The following VIL1 variants were observed in gnomAD, a reference collection of about 807,000 sequenced individuals.
The protein encoded by VIL1 is villin-1.
VIL1 carries 86 observed loss-of-function variants against 104.0 expected under a neutral mutation model. The ratio of observed to expected loss-of-function variants is 0.83; its 90% confidence interval spans 0.69 to 0.99. The LOEUF is 0.99. Ranked by LOEUF, VIL1 falls within the 50% of genes least tolerant of loss-of-function variation. The pLI is 0.00. For synonymous variants in VIL1, 394 were observed against 412.6 expected, an observed-to-expected ratio of 0.95 and a Z score of 0.55; for missense variants, 944 against 1,054.1, an observed-to-expected ratio of 0.90 and a Z score of 1.45.
In VIL1 at chr2:218,435,397, G is replaced by T; in HGVS notation, c.1789G>T (p.Ala597Ser). Residue 597 changes from alanine to serine, a missense_variant, in exon 15 of 20, where the codon GCC (alanine) becomes TCC (serine). By Grantham distance (99) the Ala-to-Ser change is moderately conservative (BLOSUM62 1). Transcript: ENST00000248444. ...GCAGGAGCCAGCCAACTTCTGGATG[G>T]CCCTGGGTGGGAAGGCCCCCTATGC... ...EGQEPANFWM[A>S]LGGKAPYANT... The T allele has an allele frequency of 1.9e-6, 3 of 1,614,130 alleles. No homozygotes were observed. The highest frequency in any genetic ancestry group is 2.5e-6 in the Non-Finnish European group (3 of 1,179,980).
At chr2:218,441,519 G>C (rs1689284564) in intron 19 of VIL1, among the ~76,000 whole-genome samples, 1 of 152,170 alleles carries the variant, frequency 6.6e-6, no homozygotes, top group Admixed American at 6.5e-5. Context: ...AAGCCCAAAG[G>C]CAAGGAATAA....
chr2:218,432,820 A>G lies in VIL1; in HGVS notation c.1369A>G (p.Thr457Ala). The G allele has an allele frequency of 6.2e-7, 1 of 1,614,218 alleles. No individual in the cohort carries two copies. Among genetic ancestry groups the G allele is most frequent in the Non-Finnish European group, 8.5e-7 (1 of 1,180,038 alleles). The change falls in exon 13 of 20, where the codon ACA becomes GCA. Residue 457 changes from threonine (T) to alanine (A), a missense_variant. By Grantham distance (58) the Thr-to-Ala change is moderately conservative (BLOSUM62 0). Coordinates refer to ENST00000248444, the MANE Select transcript of VIL1 (RefSeq NM_007127.3). ...CAGCCAGGCCAGCCAAGATGAAATT[A>G]CAGCATCAGCTTATCAAGCCGTCAT... ...QGSQASQDEITASAYQAVILD... is the reference protein window; with the variant it reads ...QGSQASQDEIAASAYQAVILD...
intron 1 of VIL1, among the ~76,000 whole-genome samples, chr2:218,420,295 C>G (rs1049509175): frequency 2.4e-4 from 37 of 151,540 alleles, no homozygotes; most frequent in Admixed American, 5.3e-4. Context: ...TGGGTGTGCT[C>G]GCGCACGCCT....
intron 18 of VIL1, among the ~76,000 whole-genome samples, 200 bp downstream of exon 18, chr2:218,438,926 ATT>A (rs34676834): frequency 2.2e-3 from 242 of 107,600 alleles, no homozygotes; most frequent in African/African-American, 6.1e-3. Flanking sequence ...ATGGTTCTCA[ATT>A]TTTTTTTTTT....
intron 4 of VIL1, 40 bp from the exon 5 acceptor site, chr2:218,427,925 C>G: frequency 6.3e-7 from 1 of 1,595,374 alleles, no homozygotes; most frequent in Non-Finnish European, 8.6e-7. Flanking sequence ...AGGCACACCT[C>G]CCAGCCCACT....
chr2:218,445,335 G>A (rs1026989410), intron 19 of VIL1, among the ~76,000 whole-genome samples: 7 of 152,096 alleles, frequency 4.6e-5, no homozygotes, highest in African/African-American at 1.7e-4. Context: ...AGGAGATTGG[G>A]GCTGCAGGTG....
At chr2:218,441,648 C>A (rs766338924) in intron 19 of VIL1, among the ~76,000 whole-genome samples, 1 of 152,010 alleles carries the variant, frequency 6.6e-6, no homozygotes, top group African/African-American at 2.4e-5. Context: ...TATCATGTAT[C>A]CTGGTGGTGA....
Position 218,434,674 on chromosome 2 carries a change from C to A in VIL1, c.1649C>A (p.Thr550Asn). The A allele has an allele frequency of 6.2e-7, 1 of 1,613,952 alleles. No individual in the cohort carries two copies. The highest frequency in any genetic ancestry group is 2.2e-5 in the East Asian group (1 of 44,886). ...TCCAATGATGTCTTTGTCCTCAAGA[C>A]CCAGTCTTGCTGCTATCTATGGTGT... ...LNSNDVFVLK[T>N]QSCCYLWCGK... Residue 550 changes from threonine (T) to asparagine (N), a missense_variant, in exon 14 of 20, where the codon ACC becomes AAC. Transcript: ENST00000248444.
Position 218,453,166 on chromosome 2 carries a change from T to C in VIL1, c.*3830T>C, listed in dbSNP as rs1447444247. 1 of 152,120 alleles carries C rather than the reference T, an allele frequency of 6.6e-6. No homozygotes were observed. The highest frequency in any genetic ancestry group is 1.5e-5 in the Non-Finnish European group (1 of 68,012). The allele number at this position is 152,120 out of a possible 1,614,324, so 9.4% of individuals were successfully genotyped here. Reference sequence around the variant, plus strand: ...GAATAGTTTACTACATTAGAATACATCCAAGTTCCAAGAGTAGGACTGGAG... The same window carrying C: ...GAATAGTTTACTACATTAGAATACACCCAAGTTCCAAGAGTAGGACTGGAG... On this transcript the variant is annotated 3_prime_UTR_variant, in exon 20 of 20. Transcript: ENST00000248444.
intron 1 of VIL1, 128 bp downstream of exon 1, chr2:218,419,296 C>A (rs1228658157): frequency 6.6e-6 from 1 of 152,222 alleles, no homozygotes; most frequent in Non-Finnish European, 1.5e-5. Flanking sequence ...AGGCTTGACA[C>A]TCTGGATAGC....
chr2:218,435,573 C>T (rs1689175069), intron 15 of VIL1, 139 bp downstream of exon 15: 2 of 1,231,264 alleles, frequency 1.6e-6, no homozygotes, highest in Admixed American at 2.8e-5. Context: ...CCCAGGGCTA[C>T]AAGATGAATA....
intron 15 of VIL1, 119 bp from the exon 16 acceptor site, chr2:218,436,363 G>C (rs1263168356): frequency 3.0e-6 from 4 of 1,327,782 alleles, no homozygotes; most frequent in South Asian, 1.5e-5. Context: ...TCAGAAGATA[G>C]AGCATTTTGC....
chr2:218,425,955 G>T, intron 4 of VIL1, 144 bp downstream of exon 4: 1 of 867,160 alleles, frequency 1.2e-6, no homozygotes, highest in Non-Finnish European at 1.7e-6. Context: ...ACCTGGGGCG[G>T]GGAAGGGACC....
At chr2:218,449,128 C>G in intron 19 of VIL1, 95 bp from the exon 20 acceptor site, 1 of 829,788 alleles carries the variant, frequency 1.2e-6, no homozygotes, top group Admixed American at 1.8e-5. Flanking sequence ...TGATTATATA[C>G]CACATCTATG....
At chr2:218,422,407 A>G (rs1387070762) in intron 1 of VIL1, among the ~76,000 whole-genome samples, 2 of 152,206 alleles carry the variant, frequency 1.3e-5, no homozygotes, top group East Asian at 3.8e-4. Context: ...TAGGTTGAAA[A>G]ATACCTGATG....
chr2:218,437,700 A>G (rs999217853), intron 17 of VIL1, among the ~76,000 whole-genome samples: 1 of 152,254 alleles, frequency 6.6e-6, no homozygotes, highest in African/African-American at 2.4e-5. Context: ...TTGCAGCAAC[A>G]TGGTGGATCC....
rs908380669 is a variant in VIL1, at chr2:218,419,163, A to G, written c.-17A>G. On this transcript the variant is annotated 5_prime_UTR_variant, in exon 1 of 20. Coordinates refer to ENST00000248444, the MANE Select transcript of VIL1 (RefSeq NM_007127.3). Reference sequence around the variant, plus strand: ...CTCCCAGGTGGCAGCTGCCTCCCCAAGACAGGTAAGGCAACCTGGTGGGAA... The same window carrying G: ...CTCCCAGGTGGCAGCTGCCTCCCCAGGACAGGTAAGGCAACCTGGTGGGAA... 2 of 152,210 alleles carry G rather than the reference A, an allele frequency of 1.3e-5. No individual in the cohort carries two copies. The highest frequency in any genetic ancestry group is 1.3e-4 in the Admixed American group (2 of 15,274). The allele number at this position is 152,210 out of a possible 1,614,324, so 9.4% of individuals were successfully genotyped here.
intron 13 of VIL1, 115 bp from the exon 14 acceptor site, chr2:218,434,411 C>A: frequency 1.9e-6 from 2 of 1,035,994 alleles, no homozygotes; most frequent in Admixed American, 2.5e-5. Context: ...GACGGAGCAT[C>A]AGAGGAGCTC....
rs1689271491 is a variant in VIL1 at position 218,440,719 on chromosome 2, T to G, written c.2230-3T>G. The G allele has an allele frequency of 1.2e-6, 2 of 1,613,712 alleles. No individual in the cohort carries two copies. The highest frequency in any genetic ancestry group is 2.7e-5 in the African/African-American group (2 of 75,014). ...TAACCAGTGGTTTCCTTTTCTTTCC[T>G]AGGAGGTCACAAGCCCCAAAGTGGA... On this transcript the variant is annotated splice_polypyrimidine_tract_variant and splice_region_variant and intron_variant, in intron 18 of 19. Coordinates refer to ENST00000248444, the MANE Select transcript of VIL1 (RefSeq NM_007127.3).
Sources: allele counts gnomAD v4.1 joint callset (sites outside exome capture counted in the v4.1 genomes callset), GRCh38; gene constraint gnomAD v4.1.1; transcripts MANE v1.5; gene names NCBI Gene and HGNC (gene_info 2026-07-23, HGNC 2026-07-21).